KDM4B: variants seen among roughly 807,000 people sequenced by gnomAD.
KDM4B encodes the protein lysine demethylase 4B.
KDM4B carries 32 observed loss-of-function variants against 125.2 expected under a neutral mutation model. That is an observed-to-expected ratio of 0.26 (90% CI 0.19 to 0.34). The LOEUF is 0.34. Among genes scored for constraint, KDM4B ranks in the 10% least tolerant of loss-of-function variants. The probability of loss-of-function intolerance (pLI) is 1.00; values close to 1 mark genes in which losing one functional copy is unlikely to be tolerated. For synonymous variants in KDM4B, 721 were observed against 677.9 expected, an observed-to-expected ratio of 1.06 and a Z score of -0.99; for missense variants, 1,190 against 1,577.7, an observed-to-expected ratio of 0.75 and a Z score of 4.16.
chr19:5,088,167 A>G (rs2145900269), intron 9 of KDM4B, among the ~76,000 whole-genome samples: 1 of 152,168 alleles, frequency 6.6e-6, no homozygotes, highest in South Asian at 2.1e-4. Context: ...GGTAGGCCCG[A>G]GCATCTGAGG....
At chr19:4,979,485 G>A (rs1352671974) in intron 1 of KDM4B, among the ~76,000 whole-genome samples, 13 of 152,236 alleles carry the variant, frequency 8.5e-5, no homozygotes. Context: ...GGGTCAGGGT[G>A]AAGCCCACCT....
In KDM4B at chr19:5,035,471, C is replaced by G. The variant is rs910992421; in HGVS notation, c.141+2440C>G. On this transcript the variant is annotated intron_variant, in intron 3 of 22. Coordinates refer to ENST00000159111, the MANE Select transcript of KDM4B (RefSeq NM_015015.3). The surrounding 1 kb of genome is among the most constrained non-coding windows in gnomAD (Gnocchi z 5.3). Reference sequence around the variant, plus strand: ...GCTCCATGCCCCGGTGTTTCCGGCTCTCTCTGCCCTCCACGTGGCGGCCTT... The same window carrying G: ...GCTCCATGCCCCGGTGTTTCCGGCTGTCTCTGCCCTCCACGTGGCGGCCTT... Among the ~76,000 whole-genome samples, 1 of 152,166 alleles carries G rather than the reference C, an allele frequency of 6.6e-6. No homozygotes were observed. Among genetic ancestry groups the G allele is most frequent in the Admixed American group, 6.5e-5 (1 of 15,288 alleles).
In KDM4B at chr19:5,119,824, A is replaced by G. The variant is rs2146018826; in HGVS notation, c.1287A>G (p.Pro429=). The G allele has an allele frequency of 1.3e-6, 2 of 1,544,930 alleles. No homozygotes were observed. The highest frequency in any genetic ancestry group is 1.9e-4 in the Middle Eastern group (1 of 5,134). ...EEEEEEPQPL[P]HGREAEGAEE... ...AGGAGGAGGAGCCGCAGCCACTGCC[A>G]CACGGCCGGGAGGCCGAGGGCGCAG... The change falls in exon 11 of 23, where the codon CCA becomes CCG. Residue 429 remains proline, a synonymous_variant. Coordinates refer to ENST00000159111, the MANE Select transcript of KDM4B (RefSeq NM_015015.3).
At chr19:5,092,115 T>C (rs957179189) in intron 9 of KDM4B, among the ~76,000 whole-genome samples, 1 of 152,176 alleles carries the variant, frequency 6.6e-6, no homozygotes, top group African/African-American at 2.4e-5. Context: ...CCATGCTGGC[T>C]CTTGGCCTAG....
rs1010123251 is a variant in KDM4B at position 5,091,702 on chromosome 19, C to T, written c.918+9198C>T. Among the ~76,000 whole-genome samples, 39 of 141,850 alleles carry T rather than the reference C, an allele frequency of 2.7e-4. 1 individual carries two copies. Among genetic ancestry groups the T allele is most frequent in the African/African-American group, 9.6e-4 (38 of 39,550 alleles). The allele number at this position is 141,850 out of a possible 152,430, so 93.1% of individuals were successfully genotyped here. On this transcript the variant is annotated intron_variant, in intron 9 of 22. Coordinates refer to ENST00000159111, the MANE Select transcript of KDM4B (RefSeq NM_015015.3). ...GGCTGCCTGCTCCAGGTGATTAACC[C>T]GGAGCCCAGGGGGAGGGAGCCCAGG... is the stretch of plus-strand genomic sequence containing the variant.
Position 5,085,815 on chromosome 19 carries a change from C to T in KDM4B, c.918+3311C>T, listed in dbSNP as rs542354370. On this transcript the variant is annotated intron_variant, in intron 9 of 22. Transcript: ENST00000159111. The stretch of plus-strand genomic sequence containing the variant: ...GGTCGGTGGCTCTCAGGCTTCTTGG[C>T]GGGGCAGCCGGCCCCTGACTCTGGC... Among the ~76,000 whole-genome samples the T allele has an allele frequency of 5.3e-5, 8 of 152,214 alleles. 1 individual carries two copies. Among genetic ancestry groups the T allele is most frequent in the African/African-American group, 1.4e-4 (6 of 41,472 alleles).
chr19:5,118,953 G>A (rs755896068), intron 10 of KDM4B, among the ~76,000 whole-genome samples: 4 of 152,238 alleles, frequency 2.6e-5, no homozygotes, highest in Non-Finnish European at 4.4e-5. Flanking sequence ...CTGGGGTGTG[G>A]GCACAGGTCA....
At chr19:5,021,122 C>T (rs2036104347) in intron 2 of KDM4B, among the ~76,000 whole-genome samples, 1 of 145,618 alleles carries the variant, frequency 6.9e-6, no homozygotes, top group South Asian at 2.2e-4. Context: ...TCCACCTGGG[C>T]GACAGAGTGA....
At chr19:5,112,927 G>C (rs1333175746) in intron 10 of KDM4B, 9 of 152,464 alleles carry the variant, frequency 5.9e-5, no homozygotes, top group African/African-American at 2.2e-4. Flanking sequence ...CGTGCTATTT[G>C]CATAATGGTT....
intron 1 of KDM4B, among the ~76,000 whole-genome samples, chr19:4,970,706 CAACACACGGGGTCAG>C (rs2034226342): frequency 6.7e-6 from 1 of 149,764 alleles, no homozygotes; most frequent in Non-Finnish European, 1.5e-5. Flanking sequence ...GAGGGTTTGT[CAACACACGGGGTCAG>C]CCTTCTCCTG....
At chr19:5,146,692 C>T (rs2613792) in intron 21 of KDM4B, among the ~76,000 whole-genome samples, 52,135 of 148,808 alleles carry the variant, frequency 0.35, 9,250 homozygotes, top group East Asian at 0.47. Flanking sequence ...TTTGGGAGGC[C>T]GAGGCAGGAG....
At chr19:5,085,954 C>G (rs1345411177) in intron 9 of KDM4B, among the ~76,000 whole-genome samples, 12 of 152,098 alleles carry the variant, frequency 7.9e-5, no homozygotes. Flanking sequence ...AGGTGGGGCT[C>G]GGGCCTTGTT....
chr19:5,125,904 G>A (rs575765103), intron 11 of KDM4B, among the ~76,000 whole-genome samples: 2 of 152,332 alleles, frequency 1.3e-5, no homozygotes, highest in East Asian at 3.9e-4. Flanking sequence ...AGTCCCAGGA[G>A]CCTCTGGACG....
rs1231735203 is a variant in KDM4B, at chr19:5,142,598, G to A, written c.2551-1369G>A. On this transcript the variant is annotated intron_variant, in intron 18 of 22. Coordinates refer to ENST00000159111, the MANE Select transcript of KDM4B (RefSeq NM_015015.3). The surrounding 1 kb of genome is among the most constrained non-coding windows in gnomAD (Gnocchi z 5.4). ...AGGGGTGGAGGCCTGTGGGTGACGTGTTCAAGACGGCTCAGCAACCCCACC... is the reference window on the plus strand; with the variant it reads ...AGGGGTGGAGGCCTGTGGGTGACGTATTCAAGACGGCTCAGCAACCCCACC... Among the ~76,000 whole-genome samples the A allele has an allele frequency of 6.6e-6, 1 of 152,002 alleles. No individual in the cohort carries two copies. Among genetic ancestry groups the A allele is most frequent in the African/African-American group, 2.4e-5 (1 of 41,400 alleles).
chr19:5,143,126 G>A (rs149183776), intron 18 of KDM4B, among the ~76,000 whole-genome samples: 1 of 152,222 alleles, frequency 6.6e-6, no homozygotes, highest in East Asian at 1.9e-4. Flanking sequence ...AGGAGTTTGA[G>A]AGCAGCCTGG....
At chr19:5,067,744 G>A (rs900078144) in intron 6 of KDM4B, among the ~76,000 whole-genome samples, 1 of 152,148 alleles carries the variant, frequency 6.6e-6, no homozygotes, top group African/African-American at 2.4e-5. Context: ...GAGCAGGCCC[G>A]GTTGGGGACC....
At chr19:5,111,733 A>G in intron 10 of KDM4B, 1 of 763,674 alleles carries the variant, frequency 1.3e-6, no homozygotes, top group Non-Finnish European at 2.4e-6. Flanking sequence ...TCCTCCGGGG[A>G]AGGGCCAGAG....
At chr19:5,113,882 A>C in intron 10 of KDM4B, 1 of 985,310 alleles carries the variant, frequency 1.0e-6, no homozygotes. Flanking sequence ...TCATGTGTTT[A>C]CCAGGTGCCC....
intron 1 of KDM4B, among the ~76,000 whole-genome samples, chr19:4,979,023 G>A (rs569162066): frequency 2.0e-5 from 3 of 152,304 alleles, no homozygotes; most frequent in Admixed American, 2.0e-4. Context: ...AGGCCGGATG[G>A]CTGTAACCCA....
Sources: allele counts gnomAD v4.1 joint callset (sites outside exome capture counted in the v4.1 genomes callset), GRCh38; gene constraint gnomAD v4.1.1; non-coding constraint Gnocchi (gnomAD v3.1); transcripts MANE v1.5; gene names NCBI Gene and HGNC (gene_info 2026-07-23, HGNC 2026-07-21).